CDH20: variants seen among roughly 807,000 people sequenced by gnomAD.
CDH20 encodes the protein cadherin 20.
CDH20 carries 29 observed loss-of-function variants against 74.2 expected under a neutral mutation model. The ratio of observed to expected loss-of-function variants is 0.39; its 90% CI spans 0.29 to 0.53. The LOEUF is 0.53. CDH20 is among the 20% of genes least tolerant of loss of function. The pLI is 0.69. For synonymous variants in CDH20, 469 were observed against 405.4 expected (o/e 1.16, Z -1.88); for missense variants, 988 against 1,048.3 (o/e 0.94, Z 0.79).
chr18:61,507,190 T>C (rs1911596933), intron 5 of CDH20, among the ~76,000 whole-genome samples, 183 bp from the exon 6 acceptor site: 1 of 152,218 alleles, frequency 6.6e-6, no homozygotes, highest in Non-Finnish European at 1.5e-5. Flanking sequence ...CAATACAGGC[T>C]ATGGCCTGTA....
intron 1 of CDH20, among the ~76,000 whole-genome samples, chr18:61,429,744 C>G (rs1913189510): frequency 6.6e-6 from 1 of 152,158 alleles, no homozygotes; most frequent in African/African-American, 2.4e-5. Flanking sequence ...CAGTAAGATG[C>G]CTGTCAAATC....
At chr18:61,383,280 A>G (rs1032015387) in intron 1 of CDH20, among the ~76,000 whole-genome samples, 1 of 152,204 alleles carries the variant, frequency 6.6e-6, no homozygotes, top group African/African-American at 2.4e-5. Context: ...AATTAGTTCA[A>G]TAAAAAATGT....
At chr18:61,516,745 T>A (rs531860255) in intron 6 of CDH20, among the ~76,000 whole-genome samples, 66 of 152,206 alleles carry the variant, frequency 4.3e-4, no homozygotes, top group Non-Finnish European at 7.9e-4. Context: ...AATTTAAATG[T>A]TAAGAGCTGA....
chr18:61,378,501 C>A (rs893021361), intron 1 of CDH20, among the ~76,000 whole-genome samples: 4 of 152,186 alleles, frequency 2.6e-5, no homozygotes, highest in Admixed American at 2.6e-4. Context: ...TTGGACAGAG[C>A]AAGCTGCTGT....
intron 1 of CDH20, among the ~76,000 whole-genome samples, chr18:61,354,480 G>A (rs1354835974): frequency 6.6e-6 from 1 of 152,096 alleles, no homozygotes; most frequent in African/African-American, 2.4e-5. Context: ...GTGGTAATAG[G>A]CACCTGCAAG....
intron 1 of CDH20, among the ~76,000 whole-genome samples, chr18:61,446,091 C>T (rs1029848918): frequency 3.9e-5 from 6 of 152,190 alleles, no homozygotes; most frequent in Admixed American, 3.9e-4. Context: ...TCAGAACCCA[C>T]ACAGCATCAT....
intron 6 of CDH20, among the ~76,000 whole-genome samples, chr18:61,512,221 G>A (rs1487345311): frequency 1.3e-5 from 2 of 152,102 alleles, no homozygotes; most frequent in Non-Finnish European, 2.9e-5. Context: ...TCAATCAGTC[G>A]ATTTTCAGTC....
At chr18:61,508,772 G>A (rs1911674761) in intron 6 of CDH20, among the ~76,000 whole-genome samples, 1 of 152,120 alleles carries the variant, frequency 6.6e-6, no homozygotes, top group Non-Finnish European at 1.5e-5. Flanking sequence ...GAGTAGCTGG[G>A]ACTACAGGGG....
At chr18:61,539,570 T>C (rs563781575) in intron 9 of CDH20, among the ~76,000 whole-genome samples, 1 of 152,296 alleles carries the variant, frequency 6.6e-6, no homozygotes, top group East Asian at 1.9e-4. Context: ...CTGAATTGTG[T>C]AGCACCCATG....
At chr18:61,383,172 A>G (rs1290276368) in intron 1 of CDH20, among the ~76,000 whole-genome samples, 1 of 152,240 alleles carries the variant, frequency 6.6e-6, no homozygotes, top group African/African-American at 2.4e-5. Context: ...ATTATAGCAC[A>G]GTATCATCAA....
In CDH20 at chr18:61,519,548, A is replaced by T. The variant is rs191404966; in HGVS notation, c.1018-8419A>T. On this transcript the variant is annotated intron_variant, in intron 6 of 11. Transcript: ENST00000262717. ...GCTTCACAAGTGAAGGAGAAATAAA[A>T]TCCTTTACAGACAAGCAAATGCTGA... Among the ~76,000 whole-genome samples the T allele has an allele frequency of 3.2e-4, 48 of 151,386 alleles. 2 individuals are homozygous for T. Among genetic ancestry groups the T allele is most frequent in the Admixed American group, 2.6e-3 (39 of 15,256 alleles).
At chr18:61,452,735 T>C (rs1221156221) in intron 1 of CDH20, among the ~76,000 whole-genome samples, 1 of 152,174 alleles carries the variant, frequency 6.6e-6, no homozygotes, top group African/African-American at 2.4e-5. Context: ...ACTTGTATGT[T>C]TCCCTCTTGG....
chr18:61,373,050 T>C (rs1911096041), intron 1 of CDH20, among the ~76,000 whole-genome samples: 1 of 152,102 alleles, frequency 6.6e-6, no homozygotes, highest in Non-Finnish European at 1.5e-5. Context: ...GGCTCATGGT[T>C]AACTGATGGT....
At chr18:61,334,408 G>C (rs1909683546) in intron 1 of CDH20, 2 of 152,382 alleles carry the variant, frequency 1.3e-5, no homozygotes, top group African/African-American at 4.8e-5. Context: ...GTGGGTACTC[G>C]AGTCCCCGCC....
At chr18:61,344,210 T>A (rs1910044383) in intron 1 of CDH20, among the ~76,000 whole-genome samples, 1 of 152,186 alleles carries the variant, frequency 6.6e-6, no homozygotes, top group South Asian at 2.1e-4. Flanking sequence ...ACATGCCATA[T>A]AAAATAAGAA....
intron 1 of CDH20, among the ~76,000 whole-genome samples, chr18:61,372,260 TTCATTTTG>T (rs1291406961): frequency 3.9e-5 from 6 of 152,128 alleles, no homozygotes; most frequent in African/African-American, 1.2e-4. Flanking sequence ...CTAAATTCAT[TTCATTTTG>T]TCCTAAATTT....
chr18:61,378,801 A>G (rs1293870835), intron 1 of CDH20, among the ~76,000 whole-genome samples: 4 of 152,196 alleles, frequency 2.6e-5, no homozygotes, highest in Admixed American at 6.6e-5. Context: ...TTAATTTCTA[A>G]AGAACTGGCA....
chr18:61,447,008 C>T (rs532073160), intron 1 of CDH20, among the ~76,000 whole-genome samples: 189 of 152,312 alleles, frequency 1.2e-3, no homozygotes, highest in African/African-American at 4.2e-3. Flanking sequence ...GGAGTATCTG[C>T]CCCAACCACT....
intron 1 of CDH20, among the ~76,000 whole-genome samples, chr18:61,352,550 C>T (rs985513519): frequency 8.5e-5 from 13 of 152,206 alleles, no homozygotes; most frequent in Non-Finnish European, 1.8e-4. Flanking sequence ...CCTGGATCAC[C>T]GTATCATGTC....
Sources: allele counts gnomAD v4.1 joint callset (sites outside exome capture counted in the v4.1 genomes callset), GRCh38; gene constraint gnomAD v4.1.1; transcripts MANE v1.5; gene names NCBI Gene and HGNC (gene_info 2026-07-23, HGNC 2026-07-21).